The following SLC47A1 variants were observed in gnomAD, a reference collection of about 807,000 sequenced individuals.
SLC47A1 encodes the protein multidrug and toxin extrusion protein 1.
SLC47A1 carries 58 observed loss-of-function variants against 65.8 expected under a neutral mutation model. That is an observed-to-expected ratio of 0.88 (90% CI 0.71 to 1.10). The LOEUF is 1.10. Ranked by LOEUF, SLC47A1 falls within the 50% of genes least tolerant of loss-of-function variation. The probability of loss-of-function intolerance (pLI) is 0.00; values close to 1 mark genes in which losing one functional copy is unlikely to be tolerated. For missense variants in SLC47A1, 706 were observed against 719.2 expected (o/e 0.98, Z 0.21); for synonymous variants, 285 against 295.0 (o/e 0.97, Z 0.35).
chr17:19,549,595 C>T, intron 4 of SLC47A1, 40 bp from the exon 5 acceptor site: 1 of 1,598,532 alleles, frequency 6.3e-7, no homozygotes, highest in Non-Finnish European at 8.6e-7. Context: ...ACAGAGGCCT[C>T]CATCACAGTT....
chr17:19,565,609 C>T (rs1467319504), intron 12 of SLC47A1, among the ~76,000 whole-genome samples: 1 of 124,574 alleles, frequency 8.0e-6, no homozygotes, highest in African/African-American at 3.2e-5. Context: ...GAGATGGACT[C>T]TCGCTCTGTC....
intron 2 of SLC47A1, among the ~76,000 whole-genome samples, chr17:19,546,077 G>T (rs1052652780): frequency 6.6e-6 from 1 of 152,020 alleles, no homozygotes; most frequent in African/African-American, 2.4e-5. Context: ...AAAATTAGCC[G>T]GTCATGGTAG....
intron 1 of SLC47A1, 122 bp downstream of exon 1, chr17:19,534,196 G>T: frequency 1.5e-5 from 19 of 1,272,814 alleles, no homozygotes; most frequent in Non-Finnish European, 1.9e-5. Context: ...GGCGGGCTCC[G>T]GGGAGCATCG....
rs1341315643 is a variant in SLC47A1 at position 19,533,865 on chromosome 17, GCGCGGTACTCACTGCCGGCCTC to G, written c.-66_-45del. 9.2e-3 allele frequency: 12,749 copies of G among 1,386,654 alleles called. 112 individuals are homozygous for G. The highest frequency in any genetic ancestry group is 0.039 in the African/African-American group (2,519 of 65,372). The allele number at this position is 1,386,654 out of a possible 1,614,324, so 85.9% of individuals were successfully genotyped here. On this transcript the variant is annotated 5_prime_UTR_variant, in exon 1 of 17. Coordinates refer to ENST00000270570, the MANE Select transcript of SLC47A1 (RefSeq NM_018242.3). Reference sequence around the variant, plus strand: ...ACTGCGCGGTACCCACTGCCGGCCTGCGCGGTACTCACTGCCGGCCTCCGCGGTACCCACTGCCGGCCTCCGC... The same window carrying G: ...ACTGCGCGGTACCCACTGCCGGCCTGCGCGGTACCCACTGCCGGCCTCCGC...
rs753145191 is a variant in SLC47A1, at chr17:19,548,066, T to C, written c.388T>C (p.Cys130Arg). Residue 130 changes from cysteine to arginine, a missense_variant, in exon 4 of 17, where the codon TGC (cysteine) becomes CGC (arginine). By Grantham distance (180) the Cys-to-Arg change is radical. Coordinates refer to ENST00000270570, the MANE Select transcript of SLC47A1 (RefSeq NM_018242.3). ...CGTCCTGCTCCTCTGCTGCTTCCCC[T>C]GCTGGGCGCTCTTTCTCAACACCCA... is the stretch of plus-strand genomic sequence containing the variant. ...ALVLLLCCFPCWALFLNTQHI... is the reference protein window; with the variant it reads ...ALVLLLCCFPRWALFLNTQHI... 6.2e-7 allele frequency: 1 copy of C among 1,614,154 alleles called. No individual in the cohort carries two copies. The highest frequency in any genetic ancestry group is 1.1e-5 in the South Asian group (1 of 91,076).
At chr17:19,543,436 AACTCGTTCCC>A (rs2152312646) in intron 2 of SLC47A1, among the ~76,000 whole-genome samples, 1 of 152,080 alleles carries the variant, frequency 6.6e-6, no homozygotes, top group South Asian at 2.1e-4. Context: ...TAATCCATGG[AACTCGTTCCC>A]ACTCTTGGTC....
At position 19,577,990 on chromosome 17, in the gene SLC47A1, T is replaced by A. The variant is rs888629564; in HGVS notation, c.*437T>A. 11 of 1,281,320 alleles carry A rather than the reference T, an allele frequency of 8.6e-6. No individual in the cohort carries two copies. The highest frequency in any genetic ancestry group is 4.6e-5 in the Admixed American group (2 of 43,242). 79.4% of individuals were successfully genotyped at this position (1,281,320 alleles called of 1,614,324 possible). On this transcript the variant is annotated 3_prime_UTR_variant, in exon 17 of 17. Coordinates refer to ENST00000270570, the MANE Select transcript of SLC47A1 (RefSeq NM_018242.3). ...AATGGTATTTGTTTTTGTTTTAATT[T>A]TTTTTTTAATAGACGGAAGTCTTGC...
intron 1 of SLC47A1, chr17:19,534,570 G>A (rs1381474648): frequency 6.6e-6 from 1 of 152,546 alleles, no homozygotes; most frequent in Non-Finnish European, 1.5e-5. Context: ...AAATAATCCC[G>A]AGGCACGGAG....
In SLC47A1 at chr17:19,533,855, CT is replaced by C; in HGVS notation, c.-84del. ...AGCAGGCTGCACTGCGCGGTACCCA[CT>C]GCCGGCCTGCGCGGTACTCACTGCC... is the stretch of plus-strand genomic sequence containing the variant. On this transcript the variant is annotated 5_prime_UTR_variant, in exon 1 of 17. Coordinates refer to ENST00000270570, the MANE Select transcript of SLC47A1 (RefSeq NM_018242.3). 7 of 1,362,168 alleles carry C rather than the reference CT, an allele frequency of 5.1e-6. No homozygotes were observed. The highest frequency in any genetic ancestry group is 3.0e-5 in the East Asian group (1 of 33,418). 84.4% of individuals were successfully genotyped at this position (1,362,168 alleles called of 1,614,324 possible).
Position 19,567,213 on chromosome 17 carries a change from A to T in SLC47A1, c.1294A>T (p.Thr432Ser). 3 of 1,614,166 alleles carry T rather than the reference A, an allele frequency of 1.9e-6. No homozygotes were observed. Among genetic ancestry groups the T allele is most frequent in the Non-Finnish European group, 2.5e-6 (3 of 1,180,028 alleles). ...PIGIALMFAT[T>S]LGVMGLWSGI... ...CGGGATCGCGCTGATGTTTGCAACC[A>T]CACTTGGAGTGATGGGTAAGCTCTA... is the stretch of plus-strand genomic sequence containing the variant. Residue 432 changes from threonine (T) to serine (S), a missense_variant, in exon 14 of 17, where the codon ACA (threonine) becomes TCA (serine). By Grantham distance (58) the Thr-to-Ser change is moderately conservative (BLOSUM62 1). Coordinates refer to ENST00000270570, the MANE Select transcript of SLC47A1 (RefSeq NM_018242.3).
rs76645859 is a variant in SLC47A1 at position 19,572,813 on chromosome 17, G to A, written c.1438G>A (p.Val480Met). The A allele has an allele frequency of 5.3e-5, 86 of 1,614,068 alleles. No homozygotes were observed. The East Asian group carries it at 8.9e-4, about 17-fold the overall frequency. ...ACACGCCAATTTGAAAGTAAACAAC[G>A]TGCCTCGGAGTGGGAATTCTGCTCT... The part of the protein sequence containing the change: ...QVHANLKVNN[V>M]PRSGNSALPQ... Residue 480 changes from valine to methionine, a missense_variant, in exon 16 of 17, where the codon GTG (valine) becomes ATG (methionine). Physicochemically the swap from Val to Met is conservative, Grantham distance 21. Transcript: ENST00000270570.
At chr17:19,550,970 C>T (rs1442624496) in intron 5 of SLC47A1, among the ~76,000 whole-genome samples, 1 of 152,184 alleles carries the variant, frequency 6.6e-6, no homozygotes, top group Non-Finnish European at 1.5e-5. Flanking sequence ...GGGACTAGGG[C>T]TTCAACATAC....
intron 12 of SLC47A1, chr17:19,564,487 C>T (rs2084340701): frequency 6.6e-6 from 1 of 152,080 alleles, no homozygotes; most frequent in African/African-American, 2.4e-5. Context: ...TTTTCATAGA[C>T]ACTAGACAAA....
intron 5 of SLC47A1, among the ~76,000 whole-genome samples, chr17:19,550,726 C>T (rs1325859669): frequency 6.6e-6 from 1 of 152,210 alleles, no homozygotes; most frequent in African/African-American, 2.4e-5. Flanking sequence ...AGTTTATTTT[C>T]TTACAGTTCA....
At chr17:19,539,230 A>G (rs1157913012) in intron 1 of SLC47A1, among the ~76,000 whole-genome samples, 1 of 152,042 alleles carries the variant, frequency 6.6e-6, no homozygotes, top group Admixed American at 6.6e-5. Context: ...AATTTCTGTC[A>G]TCCATTCAGC....
At position 19,563,354 on chromosome 17, in the gene SLC47A1, G is replaced by A. The variant is rs189965945; in HGVS notation, c.1106+2861G>A. On this transcript the variant is annotated intron_variant, in intron 12 of 16. Coordinates refer to ENST00000270570, the MANE Select transcript of SLC47A1 (RefSeq NM_018242.3). ...TCACCGTGTTAGCCAGGATGGTCTCGATCTCCTGACCTTGTGATCCGCCCG... is the reference window on the plus strand; with the variant it reads ...TCACCGTGTTAGCCAGGATGGTCTCAATCTCCTGACCTTGTGATCCGCCCG... 5.3e-5 allele frequency among the ~76,000 whole-genome samples: 8 copies of A among 151,626 alleles called. No individual in the cohort carries two copies. The South Asian group carries it at 1.0e-3, about 20-fold the overall frequency.
At chr17:19,552,047 C>T (rs1916465589) in intron 6 of SLC47A1, among the ~76,000 whole-genome samples, 1 of 152,246 alleles carries the variant, frequency 6.6e-6, no homozygotes, top group African/African-American at 2.4e-5. Flanking sequence ...TCTCTACATT[C>T]TTCCAGATAA....
At chr17:19,534,338 G>T in intron 1 of SLC47A1, 1 of 404,868 alleles carries the variant, frequency 2.5e-6, no homozygotes, top group Non-Finnish European at 4.4e-6. Flanking sequence ...ATGTTGGCTC[G>T]GAGAGGCCGG....
Position 19,572,869 on chromosome 17 carries a change from A to G in SLC47A1, c.1486+8A>G. ...AGGATCCGCTTCACCCAGGTAAGATATGACTCCCTCAGCCCTTGGACAGGC... is the reference window on the plus strand; with the variant it reads ...AGGATCCGCTTCACCCAGGTAAGATGTGACTCCCTCAGCCCTTGGACAGGC... On this transcript the variant is annotated splice_region_variant and intron_variant, in intron 16 of 16. Transcript: ENST00000270570. 1 of 1,613,890 alleles carries G rather than the reference A, an allele frequency of 6.2e-7. No individual in the cohort carries two copies. Among genetic ancestry groups the G allele is most frequent in the Non-Finnish European group, 8.5e-7 (1 of 1,179,760 alleles).
Sources: allele counts gnomAD v4.1 joint callset (sites outside exome capture counted in the v4.1 genomes callset), GRCh38; gene constraint gnomAD v4.1.1; transcripts MANE v1.5; gene names NCBI Gene and HGNC (gene_info 2026-07-23, HGNC 2026-07-21).